Variants in SNAP23 observed in about 807,000 individuals in gnomAD.
SNAP23 encodes synaptosomal-associated protein 23.
Under a neutral mutation model 29.0 loss-of-function variants are expected in SNAP23, and 11 were observed. The observed-to-expected ratio is 0.38, with a 90% confidence interval of 0.24 to 0.63. The LOEUF is 0.63. Ranked by LOEUF, SNAP23 falls within the 20% of genes least tolerant of loss-of-function variation. The probability of loss-of-function intolerance (pLI) is 0.58; values close to 1 mark genes in which losing one functional copy is unlikely to be tolerated. For missense variants in SNAP23, 220 were observed against 253.9 expected (o/e 0.87, Z 0.91); for synonymous variants, 60 against 82.9 (o/e 0.72, Z 1.50).
chr15:42,518,340 G>C lies in SNAP23; in HGVS notation c.266+2986G>C, dbSNP rs190876037. ...ATGAGATCTTAGTCCTATGTGTAAG[G>C]CCTAGTCTTCATACCAGCAGTAGCA... On this transcript the variant is annotated intron_variant, in intron 5 of 7. Coordinates refer to ENST00000249647, the MANE Select transcript of SNAP23 (RefSeq NM_003825.4). Among the ~76,000 whole-genome samples the C allele has an allele frequency of 3.7e-4, 57 of 152,226 alleles. 1 individual carries two copies. Among genetic ancestry groups the C allele is most frequent in the African/African-American group, 1.3e-3 (56 of 41,552 alleles).
intron 5 of SNAP23, among the ~76,000 whole-genome samples, chr15:42,527,114 C>T (rs1040857929): frequency 9.9e-5 from 15 of 151,970 alleles, no homozygotes; most frequent in Non-Finnish European, 1.8e-4. Context: ...CTGGGATTAC[C>T]GGTGTGAGCT....
At chr15:42,495,029 G>A (rs879737891), upstream of SNAP23, among the ~76,000 whole-genome samples, 5 of 152,064 alleles carry the variant, frequency 3.3e-5, no homozygotes, top group Non-Finnish European at 7.4e-5. Flanking sequence ...CTCTACACTC[G>A]GGGATGTACG....
At chr15:42,496,225 T>A (rs958857910) in intron 1 of SNAP23, among the ~76,000 whole-genome samples, 10 of 152,064 alleles carry the variant, frequency 6.6e-5, no homozygotes, top group Non-Finnish European at 1.3e-4. Context: ...TACTGTAAAG[T>A]GTAGTTTCAT....
intron 1 of SNAP23, among the ~76,000 whole-genome samples, chr15:42,501,599 T>TG (rs2057271055): frequency 6.6e-6 from 1 of 151,918 alleles, no homozygotes; most frequent in Non-Finnish European, 1.5e-5. Context: ...TGTGTAGAGA[T>TG]GGGGGACTTG....
At chr15:42,521,108 A>AT (rs1311950746) in intron 5 of SNAP23, among the ~76,000 whole-genome samples, 1 of 152,200 alleles carries the variant, frequency 6.6e-6, no homozygotes, top group African/African-American at 2.4e-5. Flanking sequence ...TCATGACATG[A>AT]TTTTTTATAC....
chr15:42,500,797 CTG>C lies in SNAP23; in HGVS notation c.-15+5088_-15+5089del, dbSNP rs1017765523. ...TTATGGAGCCAGGAAACAAAATGTACTGTGTTTTTTTAAATAGTAAGAGTAGA... is the reference window on the plus strand; with the variant it reads ...TTATGGAGCCAGGAAACAAAATGTACTGTTTTTTTAAATAGTAAGAGTAGA... On this transcript the variant is annotated intron_variant, in intron 1 of 7. Transcript: ENST00000249647. 1.7e-4 allele frequency among the ~76,000 whole-genome samples: 26 copies of C among 152,228 alleles called. 1 individual carries two copies. Among genetic ancestry groups the C allele is most frequent in the African/African-American group, 5.3e-4 (22 of 41,538 alleles).
At chr15:42,521,579 T>C in intron 5 of SNAP23, 1 of 1,531,654 alleles carries the variant, frequency 6.5e-7, no homozygotes, top group South Asian at 1.2e-5. Flanking sequence ...TCTCACCTAA[T>C]CTCTTCCTTT....
intron 5 of SNAP23, among the ~76,000 whole-genome samples, chr15:42,524,391 A>G (rs1448873836): frequency 6.6e-6 from 1 of 152,132 alleles, no homozygotes; most frequent in Admixed American, 6.5e-5. Flanking sequence ...GCCATGGACC[A>G]CTATTGGTCC....
In SNAP23 at chr15:42,512,003, C is replaced by T. The variant is rs551470713; in HGVS notation, c.57+100C>T. 6 of 572,258 alleles carry T rather than the reference C, an allele frequency of 1.0e-5. No homozygotes were observed. The East Asian group carries it at 1.9e-4, about 18-fold the overall frequency. The allele number at this position is 572,258 out of a possible 1,614,324, so 35.4% of individuals were successfully genotyped here. ...GGGACATTTTGGCCTCTTCCTAGTC[C>T]ATTAATATCAAAGAACACATTTGCT... On this transcript the variant is annotated intron_variant, in intron 2 of 7. Transcript: ENST00000249647.
chr15:42,492,163 G>A (rs567888992), upstream of SNAP23, among the ~76,000 whole-genome samples: 2 of 151,852 alleles, frequency 1.3e-5, no homozygotes, highest in African/African-American at 2.4e-5. Flanking sequence ...CGCCCACCTC[G>A]GCTTCCCTAA....
chr15:42,494,892 T>C (rs1194600994), upstream of SNAP23, among the ~76,000 whole-genome samples: 1 of 152,150 alleles, frequency 6.6e-6, no homozygotes, highest in East Asian at 1.9e-4. Flanking sequence ...CTGCAGCAAA[T>C]AGTTTACAAT....
chr15:42,528,786 A>G (rs1192482160), intron 6 of SNAP23, among the ~76,000 whole-genome samples: 1 of 152,060 alleles, frequency 6.6e-6, no homozygotes, highest in Non-Finnish European at 1.5e-5. Flanking sequence ...GGGTTTCACC[A>G]TGTTGACCAG....
In SNAP23 at chr15:42,504,421, TATC is replaced by T. The variant is rs567569809; in HGVS notation, c.-14-7407_-14-7405del. 1.2e-4 allele frequency among the ~76,000 whole-genome samples: 18 copies of T among 152,334 alleles called. No individual in the cohort carries two copies. The East Asian group carries it at 2.3e-3, about 20-fold the overall frequency. The stretch of plus-strand genomic sequence containing the variant: ...AAAGTTGTATATAGCCTATACTTTA[TATC>T]ATCAACTTTAATATTCAAATTTAGC... On this transcript the variant is annotated intron_variant, in intron 1 of 7. Transcript: ENST00000249647.
At chr15:42,492,057 T>G (rs1476102084), upstream of SNAP23, among the ~76,000 whole-genome samples, 1 of 152,002 alleles carries the variant, frequency 6.6e-6, no homozygotes, top group Non-Finnish European at 1.5e-5. Context: ...ATTACAGACG[T>G]GCACTACCAC....
rs2141565206 is a variant in SNAP23 at position 42,531,522 on chromosome 15, C to G, written c.*44C>G. On this transcript the variant is annotated 3_prime_UTR_variant, in exon 8 of 8. Coordinates refer to ENST00000249647, the MANE Select transcript of SNAP23 (RefSeq NM_003825.4). The stretch of plus-strand genomic sequence containing the variant: ...TTATCATTTATTCACTTCCGTAGCT[C>G]CTCCTTGAAAGTTATTACCTTTTCA... 1 of 1,453,752 alleles carries G rather than the reference C, an allele frequency of 6.9e-7. No individual in the cohort carries two copies. Among genetic ancestry groups the G allele is most frequent in the South Asian group, 1.2e-5 (1 of 82,542 alleles). 90.1% of individuals were successfully genotyped at this position (1,453,752 alleles called of 1,614,324 possible). A position where few individuals can be genotyped will look rare whatever the true frequency, so the allele number is the denominator to read the frequency against.
intron 1 of SNAP23, among the ~76,000 whole-genome samples, chr15:42,502,337 C>T (rs764290130): frequency 9.9e-5 from 15 of 152,104 alleles, no homozygotes; most frequent in African/African-American, 1.7e-4. Context: ...TGCTTATATT[C>T]GCTGTCTGTA....
At chr15:42,521,864 T>C (rs1211815951) in intron 5 of SNAP23, 4 of 411,292 alleles carry the variant, frequency 9.7e-6, no homozygotes, top group Non-Finnish European at 1.7e-5. Context: ...CCTTAATTTA[T>C]AATACCATCC....
At chr15:42,494,255 G>C (rs1007450413), upstream of SNAP23, among the ~76,000 whole-genome samples, 2 of 151,788 alleles carry the variant, frequency 1.3e-5, no homozygotes, top group Admixed American at 1.3e-4. Context: ...CTACTAAGTT[G>C]TTTTTTTCAA....
intron 3 of SNAP23, 144 bp from the exon 4 acceptor site, chr15:42,513,255 A>G (rs757169156): frequency 1.2e-6 from 1 of 803,144 alleles, no homozygotes; most frequent in South Asian, 1.4e-5. Flanking sequence ...AAAGTGTGTT[A>G]GTTTAAGAAT....
Sources: gnomAD v4.1 joint callset for allele counts (sites outside exome capture counted in the v4.1 genomes callset) on GRCh38, gnomAD v4.1.1 for gene constraint, MANE v1.5 for transcripts, NCBI Gene and HGNC (gene_info 2026-07-23, HGNC 2026-07-21) for gene names.